Variants in ELOF1 observed in about 807,000 individuals in gnomAD.
ELOF1 encodes the protein elongation factor 1.
In ELOF1, 4 loss-of-function variants were observed where a neutral mutation model predicts 7.1. The ratio of observed to expected loss-of-function variants is 0.56; its 90% confidence interval spans 0.28 to 1.29. ELOF1 has a LOEUF of 1.29. Ranked by LOEUF, ELOF1 falls within the 50% of genes most tolerant of loss-of-function variation. The pLI is 0.10. For synonymous variants in ELOF1, 31 were observed against 31.9 expected, an observed-to-expected ratio of 0.97 and a Z score of 0.09; for missense variants, 59 against 86.3, an observed-to-expected ratio of 0.68 and a Z score of 1.25.
rs142580691 is a variant in ELOF1, at chr19:11,555,133, C to T, written c.-18-768G>A. 1.4e-3 allele frequency: 345 copies of T among 244,848 alleles called. 3 individuals carry two copies. The highest frequency in any genetic ancestry group is 7.7e-3 in the African/African-American group (327 of 42,220). The allele number at this position is 244,848 out of a possible 1,614,324, so 15.2% of individuals were successfully genotyped here. On this transcript the variant is annotated intron_variant, in intron 1 of 3. Transcript: ENST00000586683. ...TTAGCTGGCCATAGTGGCAGGCACC[C>T]GTAACCCCAGCTACTCAGGAGGCTG...
chr19:11,556,210 C>A (rs572038719), intron 1 of ELOF1, among the ~76,000 whole-genome samples: 2 of 152,148 alleles, frequency 1.3e-5, no homozygotes, highest in Non-Finnish European at 2.9e-5. Context: ...TCCACTGTGA[C>A]GGGGAGGTCA....
intron 1 of ELOF1, among the ~76,000 whole-genome samples, chr19:11,558,436 C>CACTCAATCAGTTTGCTTGTAACT (rs1972865130): frequency 6.6e-6 from 1 of 151,818 alleles, no homozygotes; most frequent in African/African-American, 2.4e-5. Flanking sequence ...CTGAATAAAT[C>CACTCAATCAGTTTGCTTGTAACT]ACTCAATCAG....
rs1972793581 is a variant in ELOF1 at position 11,554,326 on chromosome 19, G to A, written c.22C>T (p.Arg8Ter). 3.1e-6 allele frequency: 5 copies of A among 1,613,810 alleles called. No homozygotes were observed. Among genetic ancestry groups the A allele is most frequent in the Non-Finnish European group, 1.7e-6 (2 of 1,179,996 alleles). Residue 8 changes from arginine (R) to a stop codon, truncating the protein, a stop_gained, in exon 2 of 4, where the codon CGA becomes TGA. Transcript: ENST00000586683. LOFTEE classifies it high-confidence loss of function. ...ATCTTCTTCTTGGGAGGCGGCTTTC[G>A]TTTTGACTTTCTGCGCCCCATGTCT...
intron 1 of ELOF1, chr19:11,555,794 C>T (rs1338068947): frequency 6.5e-6 from 1 of 152,688 alleles, no homozygotes; most frequent in African/African-American, 2.4e-5. Flanking sequence ...TGGATGAAGA[C>T]AAAGTCACAG....
exon 2 of ELOF1, chr19:11,554,346 A>G (rs1195625825): frequency 1.2e-6 from 2 of 1,613,292 alleles, no homozygotes; most frequent in Non-Finnish European, 1.7e-6. Context: ...TCTGCGCCCC[A>G]TGTCTGCAGG....
intron 1 of ELOF1, among the ~76,000 whole-genome samples, chr19:11,556,068 A>G (rs191075101): frequency 2.0e-5 from 3 of 152,122 alleles, no homozygotes; most frequent in Non-Finnish European, 4.4e-5. Context: ...TGGGTGGGGA[A>G]ACGGCAGCAG....
At chr19:11,553,625 ACACACACG>A in intron 3 of ELOF1, 3 of 850,788 alleles carry the variant, frequency 3.5e-6, no homozygotes, top group African/African-American at 2.3e-5. Context: ...ACACACACAC[ACACACACG>A]GCTGTGACAG....
intron 3 of ELOF1, chr19:11,553,459 C>T: frequency 3.4e-6 from 2 of 580,374 alleles, no homozygotes; most frequent in Non-Finnish European, 3.1e-6. Flanking sequence ...CAGTTCAGGC[C>T]CCTCAGGCCC....
intron 1 of ELOF1, chr19:11,555,303 G>GGGCT: frequency 6.0e-6 from 1 of 166,542 alleles, no homozygotes. Flanking sequence ...CTATCTCAGA[G>GGGCT]GAGACTTGTG....
At chr19:11,555,533 A>G (rs1301190521) in intron 1 of ELOF1, 1 of 152,326 alleles carries the variant, frequency 6.6e-6, no homozygotes, top group Non-Finnish European at 1.5e-5. Flanking sequence ...ATCCAGGAGG[A>G]GTGACACTCA....
chr19:11,556,550 C>T (rs1972837616), intron 1 of ELOF1, among the ~76,000 whole-genome samples: 1 of 152,100 alleles, frequency 6.6e-6, no homozygotes, highest in African/African-American at 2.4e-5. Context: ...CCGCCTGTCT[C>T]GGCCTCCCAA....
chr19:11,554,172 G>A, intron 2 of ELOF1, 60 bp downstream of exon 2: 1 of 1,613,942 alleles, frequency 6.2e-7, no homozygotes, highest in Non-Finnish European at 8.5e-7. Flanking sequence ...GGGGCAGGAT[G>A]GAGAACAGCG....
At chr19:11,558,657 G>A (rs1478164755) in intron 1 of ELOF1, among the ~76,000 whole-genome samples, 2 of 151,148 alleles carry the variant, frequency 1.3e-5, no homozygotes, top group Non-Finnish European at 2.9e-5. Flanking sequence ...CGCCCAGGAG[G>A]TCGAGGCTGC....
At chr19:11,558,465 A>G (rs1972865713) in intron 1 of ELOF1, among the ~76,000 whole-genome samples, 1 of 151,688 alleles carries the variant, frequency 6.6e-6, no homozygotes. Flanking sequence ...TAACTCTATC[A>G]CTTTGGGACG....
chr19:11,553,877 G>T, intron 3 of ELOF1, 67 bp from the exon 4 acceptor site: 1 of 1,612,318 alleles, frequency 6.2e-7, no homozygotes, highest in Non-Finnish European at 8.5e-7. Context: ...TCACCCCACA[G>T]AAATCACTAG....
chr19:11,554,340 C>T (rs775976345), exon 2 of ELOF1: 22 of 1,613,692 alleles, frequency 1.4e-5, no homozygotes, highest in East Asian at 4.5e-5. Flanking sequence ...TGACTTTCTG[C>T]GCCCCATGTC....
At chr19:11,556,604 C>T (rs1157348047) in intron 1 of ELOF1, among the ~76,000 whole-genome samples, 1 of 152,068 alleles carries the variant, frequency 6.6e-6, no homozygotes, top group Non-Finnish European at 1.5e-5. Context: ...CAGCCAACAC[C>T]CCCAACTCTT....
At chr19:11,556,795 T>C (rs1972840903) in intron 1 of ELOF1, among the ~76,000 whole-genome samples, 2 of 152,230 alleles carry the variant, frequency 1.3e-5, no homozygotes, top group Admixed American at 1.3e-4. Flanking sequence ...TCCTCTGGCC[T>C]CAGCCTGCTC....
At chr19:11,553,135 A>C (rs1410115463) in intron 3 of ELOF1, 1 of 401,304 alleles carries the variant, frequency 2.5e-6, no homozygotes, top group Non-Finnish European at 4.4e-6. Flanking sequence ...CTGAACATGA[A>C]ACGGGCTTCC....
Sources: gnomAD v4.1 joint callset for allele counts (sites outside exome capture counted in the v4.1 genomes callset) on GRCh38, gnomAD v4.1.1 for gene constraint, MANE v1.5 for transcripts, NCBI Gene and HGNC (gene_info 2026-07-23, HGNC 2026-07-21) for gene names.